Variants in AIFM3 observed in about 807,000 individuals in gnomAD.
AIFM3 encodes the protein apoptosis-inducing factor 3.
AIFM3 carries 71 observed loss-of-function variants against 82.7 expected under a neutral mutation model. The ratio of observed to expected loss-of-function variants is 0.86; its 90% CI spans 0.71 to 1.05. The LOEUF (loss-of-function observed/expected upper bound fraction) is 1.05. AIFM3 is among the 50% of genes least tolerant of loss of function. AIFM3 has a pLI of 0.00. For synonymous variants in AIFM3, 337 were observed against 329.1 expected, an observed-to-expected ratio of 1.02 and a Z score of -0.26; for missense variants, 748 against 816.7, an observed-to-expected ratio of 0.92 and a Z score of 1.03.
intron 14 of AIFM3, 123 bp from the exon 15 acceptor site, chr22:20,977,577 C>G: frequency 1.6e-6 from 2 of 1,251,708 alleles, no homozygotes; most frequent in Non-Finnish European, 2.3e-6. Flanking sequence ...ATGAAGGCCT[C>G]AGGTAGACAG....
At position 20,973,855 on chromosome 22, in the gene AIFM3, C is replaced by A; in HGVS notation, c.343C>A (p.Pro115Thr). 6.5e-7 allele frequency: 1 copy of A among 1,543,312 alleles called. No homozygotes were observed. Among genetic ancestry groups the A allele is most frequent in the Non-Finnish European group, 8.8e-7 (1 of 1,142,318 alleles). ...LGHKCPHYGA[P>T]LVKGVLSRGR... ...CCATAAGTGTCCGCACTACGGCGCA[C>A]CCCTGGTGAAAGGTGAGCTGTCAGG... The change falls in exon 4 of 21, where the codon CCC becomes ACC. Residue 115 changes from proline (P) to threonine (T), a missense_variant. Physicochemically the swap from Pro to Thr is conservative, Grantham distance 38. Transcript: ENST00000440238.
Position 20,969,490 on chromosome 22 carries a change from C to T in AIFM3, c.31+1515C>T, listed in dbSNP as rs57897937. ...CTTCTCCCATGCTGGAGTGCAGTGG[C>T]GTGATCTCGGCTCACTGCAAGCTCC... is the stretch of plus-strand genomic sequence containing the variant. On this transcript the variant is annotated intron_variant, in intron 2 of 20. Coordinates refer to ENST00000440238, the MANE Select transcript of AIFM3 (RefSeq NM_001386814.1). Among the ~76,000 whole-genome samples, 1,026 of 152,060 alleles carry T rather than the reference C, an allele frequency of 6.7e-3. 11 individuals are homozygous for T. The highest frequency in any genetic ancestry group is 0.023 in the African/African-American group (961 of 41,472).
Position 20,974,832 on chromosome 22 carries a change from C to T in AIFM3, c.720+16C>T. On this transcript the variant is annotated intron_variant, in intron 8 of 20. Transcript: ENST00000440238. ...GCTCAGCAAGGTACAGGGGGTGGGG[C>T]AAGTAGGGACCCTATCCCTCTGGGT... is the stretch of plus-strand genomic sequence containing the variant. 2 of 1,610,182 alleles carry T rather than the reference C, an allele frequency of 1.2e-6. No individual in the cohort carries two copies. The highest frequency in any genetic ancestry group is 1.7e-6 in the Non-Finnish European group (2 of 1,178,496).
At position 20,981,165 on chromosome 22, in the gene AIFM3, C is replaced by A; in HGVS notation, c.*134C>A. Reference sequence around the variant, plus strand: ...AGCCCTCCCAGTGCTTGCCTTCAGCCACCTGGCTCCCCTCCTGGGAGGCCT... The same window carrying A: ...AGCCCTCCCAGTGCTTGCCTTCAGCAACCTGGCTCCCCTCCTGGGAGGCCT... On this transcript the variant is annotated 3_prime_UTR_variant, in exon 21 of 21. Coordinates refer to ENST00000440238, the MANE Select transcript of AIFM3 (RefSeq NM_001386814.1). 7.9e-7 allele frequency: 1 copy of A among 1,267,514 alleles called. No individual in the cohort carries two copies. The highest frequency in any genetic ancestry group is 1.1e-6 in the Non-Finnish European group (1 of 906,026). The allele number at this position is 1,267,514 out of a possible 1,614,324, so 78.5% of individuals were successfully genotyped here. A position where few individuals can be genotyped will look rare whatever the true frequency, so the allele number is the denominator to read the frequency against.
intron 2 of AIFM3, 150 bp downstream of exon 2, chr22:20,968,125 A>T (rs1322879384): frequency 2.5e-6 from 2 of 800,174 alleles, no homozygotes; most frequent in Non-Finnish European, 4.0e-6. Context: ...CGCTGCCGCC[A>T]GGAGGGGGTA....
rs1490372566 is a variant in AIFM3 at position 20,974,537 on chromosome 22, C to T, written c.523C>T (p.Gln175Ter). The change falls in exon 7 of 21, where the codon CAG becomes TAG. Residue 175 changes from glutamine to a stop codon, truncating the protein, a stop_gained. Coordinates refer to ENST00000440238, the MANE Select transcript of AIFM3 (RefSeq NM_001386814.1). LOFTEE classifies it high-confidence loss of function. ...CTGGCACCCACAGGCCCTACAGCTGCAGCGAAGGACCAAGGTGATGGCCAA... is the reference window on the plus strand; with the variant it reads ...CTGGCACCCACAGGCCCTACAGCTGTAGCGAAGGACCAAGGTGATGGCCAA... ...VRASKQALQLQRRTKVMAKCI... is the reference protein window; with the variant it reads ...VRASKQALQL 4 of 1,612,520 alleles carry T rather than the reference C, an allele frequency of 2.5e-6. No individual in the cohort carries two copies. The highest frequency in any genetic ancestry group is 1.3e-5 in the African/African-American group (1 of 74,894).
intron 5 of AIFM3, 28 bp from the exon 6 acceptor site, chr22:20,974,224 C>G: frequency 6.2e-7 from 1 of 1,613,738 alleles, no homozygotes; most frequent in Non-Finnish European, 8.5e-7. Flanking sequence ...GGGTTCGGGG[C>G]TGGTCCTGAG....
chr22:20,978,055 C>G (rs545642762), intron 16 of AIFM3, 50 bp downstream of exon 16: 3 of 1,563,656 alleles, frequency 1.9e-6, no homozygotes, highest in South Asian at 1.1e-5. Context: ...GTCTCAGGGT[C>G]TCAGTGTCCC....
chr22:20,981,210 C>T lies in AIFM3; in HGVS notation c.*179C>T. ...AGGCCTCTGCTGGATCCAGAAGATGCTCAACCCTCAAGGCCTCTGCTGCCA... is the reference window on the plus strand; with the variant it reads ...AGGCCTCTGCTGGATCCAGAAGATGTTCAACCCTCAAGGCCTCTGCTGCCA... On this transcript the variant is annotated 3_prime_UTR_variant, in exon 21 of 21. Coordinates refer to ENST00000440238, the MANE Select transcript of AIFM3 (RefSeq NM_001386814.1). 2 of 787,566 alleles carry T rather than the reference C, an allele frequency of 2.5e-6. No homozygotes were observed. The highest frequency in any genetic ancestry group is 2.6e-5 in the Admixed American group (1 of 38,516). The allele number at this position is 787,566 out of a possible 1,614,324, so 48.8% of individuals were successfully genotyped here.
At chr22:20,974,494 C>T (rs1248003428) in intron 6 of AIFM3, 31 bp from the exon 7 acceptor site, 2 of 1,595,230 alleles carry the variant, frequency 1.3e-6, no homozygotes, top group South Asian at 2.3e-5. Context: ...CAGAGGATGG[C>T]AGTGACCCTC....
In AIFM3 at chr22:20,974,286, C is replaced by T. The variant is rs771397968; in HGVS notation, c.500C>T (p.Ala167Val). ...KIEKEKVYVR[A>V]SKQALQLQRR... is the part of the protein sequence containing the mutation. The stretch of plus-strand genomic sequence containing the variant: ...GAGAAGGAGAAGGTGTACGTCCGGG[C>T]CAGCAAGCAGGTGAGGGGATAGCTC... Residue 167 changes from alanine to valine, a missense_variant, in exon 6 of 21, where the codon GCC becomes GTC. Ala to Val is a moderately conservative substitution (Grantham distance 64). Transcript: ENST00000440238. The T allele has an allele frequency of 1.2e-6, 2 of 1,613,608 alleles. No individual in the cohort carries two copies. Among genetic ancestry groups the T allele is most frequent in the African/African-American group, 1.3e-5 (1 of 74,982 alleles).
chr22:20,980,900 C>T, intron 20 of AIFM3, 92 bp from the exon 21 acceptor site: 1 of 1,608,524 alleles, frequency 6.2e-7, no homozygotes, highest in African/African-American at 1.3e-5. Context: ...AGAACAGACC[C>T]CCTGCTGTCC....
Position 20,977,996 on chromosome 22 carries a change from C to T in AIFM3, c.1468C>T (p.His490Tyr), listed in dbSNP as rs1437862546. ...KVNIPHWQMA[H>Y]AQGRVAAQNM... ...GAACATTCCACATTGGCAGATGGCT[C>T]ATGCTCAGGGTATGGCCAGTCCCGA... is the stretch of plus-strand genomic sequence containing the variant. Residue 490 changes from histidine to tyrosine, a missense_variant, in exon 16 of 21, where the codon CAT (histidine) becomes TAT (tyrosine). Physicochemically the swap from His to Tyr is moderately conservative, Grantham distance 83. Transcript: ENST00000440238. 3 of 1,614,002 alleles carry T rather than the reference C, an allele frequency of 1.9e-6. No homozygotes were observed. Among genetic ancestry groups the T allele is most frequent in the Non-Finnish European group, 1.7e-6 (2 of 1,179,984 alleles).
At chr22:20,973,095 C>A (rs560755700) in intron 2 of AIFM3, among the ~76,000 whole-genome samples, 1 of 152,042 alleles carries the variant, frequency 6.6e-6, no homozygotes, top group Non-Finnish European at 1.5e-5. Flanking sequence ...CAAGCAGACC[C>A]GGGAGCACCC....
chr22:20,975,770 G>T lies in AIFM3; in HGVS notation c.799G>T (p.Glu267Ter). The T allele has an allele frequency of 6.2e-7, 1 of 1,612,522 alleles. No individual in the cohort carries two copies. Residue 267 changes from glutamate (E) to a stop codon, truncating the protein, a stop_gained, in exon 9 of 21, where the codon GAG (glutamate) becomes TAG (stop). Coordinates refer to ENST00000440238, the MANE Select transcript of AIFM3 (RefSeq NM_001386814.1). LOFTEE classifies it high-confidence loss of function. ...AGCCTATGGCATCGAGGTGCTCACC[G>T]AGGCTCAGGTACAGGGTCAAGGGTG... ...FRAYGIEVLTEAQVVTVDVRT... is the reference protein window; with the variant it reads ...FRAYGIEVLT
At chr22:20,973,254 T>G in intron 2 of AIFM3, 53 bp from the exon 3 acceptor site, 1 of 1,540,264 alleles carries the variant, frequency 6.5e-7, no homozygotes, top group Non-Finnish European at 8.8e-7. Context: ...GCTTGAGGGA[T>G]GGGGGAGGAA....
chr22:20,976,241 G>A lies in AIFM3; in HGVS notation c.834G>A (p.Lys278=). The stretch of plus-strand genomic sequence containing the variant: ...TGGTCACAGTGGACGTGAGAACTAA[G>A]AAGGTCGTGTTCAAGGATGGCTTCA... ...AQVVTVDVRT[K]KVVFKDGFKL... The change falls in exon 10 of 21, where the codon AAG becomes AAA. Residue 278 remains lysine (K), a synonymous_variant. Transcript: ENST00000440238. The A allele has an allele frequency of 6.2e-7, 1 of 1,614,000 alleles. No individual in the cohort carries two copies. The highest frequency in any genetic ancestry group is 8.5e-7 in the Non-Finnish European group (1 of 1,180,000).
intron 2 of AIFM3, among the ~76,000 whole-genome samples, chr22:20,969,811 C>T (rs1923158797): frequency 6.6e-6 from 1 of 152,138 alleles, no homozygotes; most frequent in African/African-American, 2.4e-5. Context: ...GCATGAGGCT[C>T]AGGGAATTTC....
rs1451282318 is a variant in AIFM3 at position 20,967,308 on chromosome 22, G to T, written c.-141+5G>T. The T allele has an allele frequency of 6.6e-6, 1 of 152,560 alleles. No individual in the cohort carries two copies. The highest frequency in any genetic ancestry group is 2.4e-5 in the African/African-American group (1 of 41,436). The allele number at this position is 152,560 out of a possible 1,614,324, so 9.5% of individuals were successfully genotyped here. A position where few individuals can be genotyped will look rare whatever the true frequency, so the allele number is the denominator to read the frequency against. The stretch of plus-strand genomic sequence containing the variant: ...CAGTGGCTGCCCTGCGAGGAGGTGG[G>T]TGTCCGGAGTGCTAGCCAGGGTGGG... On this transcript the variant is annotated splice_donor_5th_base_variant and intron_variant, in intron 1 of 20. Transcript: ENST00000440238.
Sources: allele counts gnomAD v4.1 joint callset (sites outside exome capture counted in the v4.1 genomes callset), GRCh38; gene constraint gnomAD v4.1.1; transcripts MANE v1.5; gene names NCBI Gene and HGNC (gene_info 2026-07-23, HGNC 2026-07-21).